LAP3: variants seen among roughly 807,000 people sequenced by gnomAD.
The protein encoded by LAP3 is cytosol aminopeptidase.
A neutral mutation model predicts 58.8 loss-of-function variants in LAP3; 46 were observed. The ratio of observed to expected loss-of-function variants is 0.78; its 90% CI spans 0.62 to 1.00. The LOEUF (loss-of-function observed/expected upper bound fraction) is 1.00, where lower values mean the gene tolerates loss of function less well. Ranked by LOEUF, LAP3 falls within the 50% of genes least tolerant of loss-of-function variation. LAP3 has a pLI of 0.00. For missense variants in LAP3, 615 were observed against 659.1 expected (o/e 0.93, Z 0.73); for synonymous variants, 257 against 237.7 (o/e 1.08, Z -0.75).
intron 4 of LAP3, 115 bp from the exon 5 acceptor site, chr4:17,583,368 G>A: frequency 9.4e-7 from 1 of 1,064,554 alleles, no homozygotes; most frequent in Non-Finnish European, 1.4e-6. Context: ...GGGTATCAGG[G>A]CTGGGATTTG....
intron 7 of LAP3, among the ~76,000 whole-genome samples, chr4:17,590,803 C>T (rs746663264): frequency 5.9e-5 from 9 of 152,094 alleles, no homozygotes; most frequent in Non-Finnish European, 1.0e-4. Flanking sequence ...ATCTCCTGAC[C>T]TCGTCATCTG....
intron 7 of LAP3, among the ~76,000 whole-genome samples, chr4:17,594,970 A>AGTGGCACT (rs1713793085): frequency 2.0e-5 from 3 of 152,200 alleles, no homozygotes; most frequent in Admixed American, 2.0e-4. Context: ...TAATGTTTCC[A>AGTGGCACT]GTGGCACTGT....
chr4:17,583,633 T>C lies in LAP3; in HGVS notation c.530T>C (p.Leu177Pro). The change falls in exon 5 of 13, where the codon CTC (leucine) becomes CCC (proline). Residue 177 changes from leucine (L) to proline (P), a missense_variant. Transcript: ENST00000226299. ...QKKKMAVSAKLYGSGDQEAWQ... is the reference protein window; with the variant it reads ...QKKKMAVSAKPYGSGDQEAWQ... Reference sequence around the variant, plus strand: ...AAGAAGATGGCTGTGTCGGCAAAGCTCTATGGAAGGTGATGGAAGCAAATT... The same window carrying C: ...AAGAAGATGGCTGTGTCGGCAAAGCCCTATGGAAGGTGATGGAAGCAAATT... 6.2e-7 allele frequency: 1 copy of C among 1,613,234 alleles called. No homozygotes were observed. Among genetic ancestry groups the C allele is most frequent in the Middle Eastern group, 1.6e-4 (1 of 6,062 alleles).
chr4:17,604,305 T>G (rs1324803188), intron 10 of LAP3, among the ~76,000 whole-genome samples: 1 of 116,266 alleles, frequency 8.6e-6, no homozygotes, highest in East Asian at 3.6e-4. Context: ...TTTAGATGTC[T>G]GGAAGGAAAT....
intron 1 of LAP3, 74 bp downstream of exon 1, chr4:17,577,641 C>T: frequency 1.6e-6 from 2 of 1,233,654 alleles, no homozygotes; most frequent in South Asian, 2.7e-5. Context: ...CGGGGCTGGT[C>T]GAAGCCGCGG....
intron 2 of LAP3, 137 bp downstream of exon 2, chr4:17,580,076 C>G: frequency 2.1e-6 from 1 of 466,590 alleles, no homozygotes; most frequent in Non-Finnish European, 3.8e-6. Flanking sequence ...TGACTCACTT[C>G]AACCTCTGCC....
intron 10 of LAP3, among the ~76,000 whole-genome samples, chr4:17,599,231 G>A (rs1159068574): frequency 6.6e-6 from 1 of 152,136 alleles, no homozygotes; most frequent in African/African-American, 2.4e-5. Context: ...AGCTCATCTA[G>A]AGTGACATCT....
At chr4:17,593,312 C>G (rs149553359) in intron 7 of LAP3, among the ~76,000 whole-genome samples, 1,772 of 148,760 alleles carry the variant, frequency 0.012, 39 homozygotes, top group African/African-American at 0.041. Context: ...TTGTTTTTGT[C>G]TTTTTTTTTT....
chr4:17,606,110 ATGAG>A (rs1315387367), intron 11 of LAP3, among the ~76,000 whole-genome samples: 1 of 152,142 alleles, frequency 6.6e-6, no homozygotes, highest in African/African-American at 2.4e-5. Flanking sequence ...TAAACGATGA[ATGAG>A]TGAGTGGGTA....
chr4:17,580,185 T>TG lies in LAP3; in HGVS notation c.218+246_218+247insG. Among the ~76,000 whole-genome samples, 17 of 32,060 alleles carry TG rather than the reference T, an allele frequency of 5.3e-4. 2 individuals carry two copies. The highest frequency in any genetic ancestry group is 3.0e-3 in the African/African-American group (17 of 5,586). The allele number at this position is 32,060 out of a possible 152,430, so 21.0% of individuals were successfully genotyped here. On this transcript the variant is annotated intron_variant, in intron 2 of 12. Transcript: ENST00000226299. ...GCTTTCATATATATATATATATGTATTTTTTTTTTTTTTCAGTAGAGTTGG... is the reference window on the plus strand; with the variant it reads ...GCTTTCATATATATATATATATGTATGTTTTTTTTTTTTTCAGTAGAGTTGG...
At chr4:17,578,549 C>G (rs1713272234) in intron 1 of LAP3, among the ~76,000 whole-genome samples, 1 of 152,100 alleles carries the variant, frequency 6.6e-6, no homozygotes, top group Non-Finnish European at 1.5e-5. Context: ...TCCTACCACA[C>G]CACACAGGAG....
chr4:17,588,868 G>T lies in LAP3; in HGVS notation c.754G>T (p.Ala252Ser), dbSNP rs1411789566. 2 of 1,614,086 alleles carry T rather than the reference G, an allele frequency of 1.2e-6. No homozygotes were observed. The highest frequency in any genetic ancestry group is 2.2e-5 in the South Asian group (2 of 91,074). Residue 252 changes from alanine to serine, a missense_variant, in exon 7 of 13, where the codon GCC (alanine) becomes TCC (serine). Coordinates refer to ENST00000226299, the MANE Select transcript of LAP3 (RefSeq NM_015907.3). ...GGCAATGGGATCATTCCTCAGTGTG[G>T]CCAAAGGATCTGACGAGCCCCCAGT... Reference protein sequence around the residue: ...EQAMGSFLSVAKGSDEPPVFL... With the variant: ...EQAMGSFLSVSKGSDEPPVFL...
intron 10 of LAP3, among the ~76,000 whole-genome samples, chr4:17,601,932 C>G (rs1472270191): frequency 6.6e-6 from 1 of 152,152 alleles, no homozygotes; most frequent in Non-Finnish European, 1.5e-5. Flanking sequence ...ATGCAGAACA[C>G]ACGGATACGG....
rs1350027409 is a variant in LAP3 at position 17,588,800 on chromosome 4, C to T, written c.705-19C>T. On this transcript the variant is annotated intron_variant, in intron 6 of 12. Coordinates refer to ENST00000226299, the MANE Select transcript of LAP3 (RefSeq NM_015907.3). ...AAAGGTAACAGTATATTTACTTTTTCCCTCTTTCTACCCTATAGACCCAAG... is the reference window on the plus strand; with the variant it reads ...AAAGGTAACAGTATATTTACTTTTTTCCTCTTTCTACCCTATAGACCCAAG... The T allele has an allele frequency of 6.3e-7, 1 of 1,588,482 alleles. No individual in the cohort carries two copies. The highest frequency in any genetic ancestry group is 8.6e-7 in the Non-Finnish European group (1 of 1,166,742).
At chr4:17,589,083 C>T in intron 7 of LAP3, 106 bp downstream of exon 7, 1 of 1,162,014 alleles carries the variant, frequency 8.6e-7, no homozygotes, top group South Asian at 1.5e-5. Flanking sequence ...TTTTTTGAGG[C>T]AGAGTCTCAC....
At chr4:17,588,735 T>C in intron 6 of LAP3, 84 bp from the exon 7 acceptor site, 14 of 1,323,158 alleles carry the variant, frequency 1.1e-5, no homozygotes, top group South Asian at 1.4e-5. Flanking sequence ...TATTATACTT[T>C]TTCACACACT....
chr4:17,581,691 G>T, intron 2 of LAP3, 69 bp from the exon 3 acceptor site: 1 of 1,176,940 alleles, frequency 8.5e-7, no homozygotes, highest in East Asian at 2.3e-5. Flanking sequence ...TGCCGAGTAT[G>T]TAAGTGTGCC....
chr4:17,584,911 T>G, intron 5 of LAP3, 61 bp from the exon 6 acceptor site: 1 of 1,523,846 alleles, frequency 6.6e-7, no homozygotes, highest in Non-Finnish European at 9.0e-7. Context: ...GTCTCTTAGT[T>G]GGCAGGCAGT....
chr4:17,577,993 A>C (rs1713255955), intron 1 of LAP3, among the ~76,000 whole-genome samples: 1 of 152,202 alleles, frequency 6.6e-6, no homozygotes, highest in South Asian at 2.1e-4. Flanking sequence ...AAGGTCAGGG[A>C]GTTAAGTAGC....
Sources: gnomAD v4.1 joint callset for allele counts (sites outside exome capture counted in the v4.1 genomes callset) on GRCh38, gnomAD v4.1.1 for gene constraint, MANE v1.5 for transcripts, NCBI Gene and HGNC (gene_info 2026-07-23, HGNC 2026-07-21) for gene names.